SCFD1: variants seen among roughly 807,000 people sequenced by gnomAD.
SCFD1 encodes sec1 family domain containing 1.
A neutral mutation model predicts 103.2 loss-of-function variants in SCFD1; 37 were observed. That is an observed-to-expected ratio of 0.36 (90% CI 0.28 to 0.47). SCFD1 has a LOEUF of 0.47. SCFD1 is among the 20% of genes least tolerant of loss of function. The pLI, the probability that SCFD1 is intolerant of heterozygous loss-of-function variation, is 1.00. For synonymous variants in SCFD1, 264 were observed against 245.0 expected, an observed-to-expected ratio of 1.08 and a Z score of -0.73; for missense variants, 639 against 761.2, an observed-to-expected ratio of 0.84 and a Z score of 1.89.
chr14:30,625,968 T>G (rs1255150106), intron 1 of SCFD1, among the ~76,000 whole-genome samples: 16 of 151,676 alleles, frequency 1.1e-4, no homozygotes. Flanking sequence ...GCTTCAAGAG[T>G]GTGAACAGCT....
chr14:30,622,324 C>A lies in SCFD1; in HGVS notation c.-15C>A. The A allele has an allele frequency of 6.3e-7, 1 of 1,586,416 alleles. No homozygotes were observed. On this transcript the variant is annotated 5_prime_UTR_variant, in exon 1 of 25. Coordinates refer to ENST00000458591, the MANE Select transcript of SCFD1 (RefSeq NM_016106.4). ...GCTCCGCTCCCCAGCCGGGCAGTGGCTCGTGGGAGCCAAGATGGCGGCGGC... is the reference window on the plus strand; with the variant it reads ...GCTCCGCTCCCCAGCCGGGCAGTGGATCGTGGGAGCCAAGATGGCGGCGGC...
At position 30,703,910 on chromosome 14, in the gene SCFD1, C is replaced by CATATATATATAT. The variant is rs71443380; in HGVS notation, c.1490+1577_1490+1588dup. Among the ~76,000 whole-genome samples the CATATATATATAT allele has an allele frequency of 4.6e-4, 18 of 39,526 alleles. 1 individual carries two copies. Among genetic ancestry groups the CATATATATATAT allele is most frequent in the Non-Finnish European group, 8.3e-4 (13 of 15,724 alleles). 25.9% of individuals were successfully genotyped at this position (39,526 alleles called of 152,430 possible). ...ATTTTTTCAGATTTGGGAATATTTG[C>CATATATATATAT]ATATATATATATATATATATATATA... On this transcript the variant is annotated intron_variant, in intron 17 of 24. Coordinates refer to ENST00000458591, the MANE Select transcript of SCFD1 (RefSeq NM_016106.4).
At chr14:30,645,954 T>G (rs759568271) in intron 7 of SCFD1, among the ~76,000 whole-genome samples, 3 of 152,192 alleles carry the variant, frequency 2.0e-5, no homozygotes, top group Non-Finnish European at 2.9e-5. Context: ...GCTGTGTGTT[T>G]GTCATAGATT....
chr14:30,697,557 G>T (rs1359853064), intron 15 of SCFD1, among the ~76,000 whole-genome samples: 1 of 152,204 alleles, frequency 6.6e-6, no homozygotes, highest in Non-Finnish European at 1.5e-5. Flanking sequence ...TAACCACAGT[G>T]AACGTCGTCA....
At chr14:30,659,671 T>C (rs1239074169) in intron 10 of SCFD1, among the ~76,000 whole-genome samples, 2 of 152,208 alleles carry the variant, frequency 1.3e-5, no homozygotes, top group Non-Finnish European at 2.9e-5. Flanking sequence ...AATATATTGC[T>C]GATGCTGTAA....
chr14:30,706,598 C>G (rs1375385286), intron 18 of SCFD1, among the ~76,000 whole-genome samples: 1 of 152,154 alleles, frequency 6.6e-6, no homozygotes, highest in Non-Finnish European at 1.5e-5. Context: ...AGGATAGATT[C>G]AAGCAGTGCT....
intron 4 of SCFD1, among the ~76,000 whole-genome samples, chr14:30,637,108 C>T (rs896568722): frequency 6.6e-6 from 1 of 152,008 alleles, no homozygotes; most frequent in Admixed American, 6.6e-5. Flanking sequence ...TAGAGTGTCA[C>T]TGTTCTTAGG....
intron 10 of SCFD1, among the ~76,000 whole-genome samples, chr14:30,668,564 T>A (rs1342579888): frequency 2.0e-5 from 3 of 151,982 alleles, no homozygotes; most frequent in African/African-American, 7.3e-5. Flanking sequence ...CTAATTAAAC[T>A]AAAGAGCTTC....
rs550155547 is a variant in SCFD1, at chr14:30,715,785, T to G, written c.1630-139T>G. On this transcript the variant is annotated intron_variant, in intron 19 of 24. Transcript: ENST00000458591. Reference sequence around the variant, plus strand: ...AGTATTTACATCTTTGACATCACCTTTACCATTCACAGACTACTTAATCTT... The same window carrying G: ...AGTATTTACATCTTTGACATCACCTGTACCATTCACAGACTACTTAATCTT... The G allele has an allele frequency of 2.0e-5, 11 of 554,950 alleles. 1 individual carries two copies. In the South Asian group the frequency reaches 2.6e-4, roughly 13 times the overall value. 34.4% of individuals were successfully genotyped at this position (554,950 alleles called of 1,614,324 possible).
intron 7 of SCFD1, 135 bp from the exon 8 acceptor site, chr14:30,649,393 A>C (rs1225450031): frequency 3.1e-6 from 2 of 648,008 alleles, no homozygotes; most frequent in Non-Finnish European, 5.2e-6. Flanking sequence ...ATGTGGAAAA[A>C]TAAATACATA....
At chr14:30,671,038 GA>G (rs1888490043) in intron 11 of SCFD1, among the ~76,000 whole-genome samples, 1 of 151,944 alleles carries the variant, frequency 6.6e-6, no homozygotes, top group African/African-American at 2.4e-5. Context: ...CAGAGAAAAA[GA>G]ATACTGTTCA....
intron 7 of SCFD1, among the ~76,000 whole-genome samples, chr14:30,647,472 A>C (rs1213634219): frequency 1.3e-5 from 2 of 151,672 alleles, no homozygotes; most frequent in African/African-American, 4.8e-5. Context: ...GTAATGTGTC[A>C]GGTACCCTCA....
chr14:30,692,605 C>T (rs1890395014), intron 14 of SCFD1, among the ~76,000 whole-genome samples: 1 of 152,138 alleles, frequency 6.6e-6, no homozygotes, highest in Non-Finnish European at 1.5e-5. Context: ...GAATTAAAAG[C>T]AAACACAGTA....
intron 21 of SCFD1, among the ~76,000 whole-genome samples, chr14:30,721,527 G>A (rs1469436429): frequency 2.0e-5 from 3 of 147,764 alleles, no homozygotes; most frequent in Non-Finnish European, 4.5e-5. Context: ...ATATAATATT[G>A]AGTTTGGTAA....
At chr14:30,727,927 A>T (rs1893167236) in intron 23 of SCFD1, among the ~76,000 whole-genome samples, 1 of 152,182 alleles carries the variant, frequency 6.6e-6, no homozygotes, top group African/African-American at 2.4e-5. Flanking sequence ...CCAAGCTTAG[A>T]TAGGTGAAAA....
At chr14:30,638,743 C>T (rs1884984326) in intron 5 of SCFD1, among the ~76,000 whole-genome samples, 1 of 152,144 alleles carries the variant, frequency 6.6e-6, no homozygotes, top group African/African-American at 2.4e-5. Context: ...GCCTGCAATT[C>T]TACATCATAG....
chr14:30,677,827 CTTTTTTTTTTTTT>C (rs58942207), intron 14 of SCFD1, among the ~76,000 whole-genome samples: 10 of 67,516 alleles, frequency 1.5e-4, no homozygotes, highest in Admixed American at 4.6e-4. Context: ...ACCTAAGCAC[CTTTTTTTTTTTTT>C]TTTTTTTTTT....
intron 6 of SCFD1, among the ~76,000 whole-genome samples, chr14:30,641,759 G>A (rs1163163064): frequency 6.6e-6 from 1 of 151,816 alleles, no homozygotes; most frequent in African/African-American, 2.4e-5. Context: ...TTGTCTGGGT[G>A]GGCCACGCTT....
At chr14:30,716,225 A>ATGTATAAT (rs915247550) in intron 20 of SCFD1, among the ~76,000 whole-genome samples, 1 of 152,238 alleles carries the variant, frequency 6.6e-6, no homozygotes, top group African/African-American at 2.4e-5. Context: ...TATATCCTAT[A>ATGTATAAT]TGTATAATTA....
Sources: allele counts gnomAD v4.1 joint callset (sites outside exome capture counted in the v4.1 genomes callset), GRCh38; gene constraint gnomAD v4.1.1; transcripts MANE v1.5; gene names NCBI Gene and HGNC (gene_info 2026-07-23, HGNC 2026-07-21).